Variants in C2CD3 observed in about 807,000 individuals in gnomAD.
The protein encoded by C2CD3 is C2 domain containing 3 centriole elongation regulator.
A neutral mutation model predicts 234.0 loss-of-function variants in C2CD3; 148 were observed. The observed-to-expected ratio is 0.63, with a 90% CI of 0.55 to 0.72. The LOEUF (loss-of-function observed/expected upper bound fraction) is 0.72. C2CD3 is among the 30% of genes least tolerant of loss of function. The pLI is 0.00. For missense variants in C2CD3, 2,577 were observed against 2,811.5 expected, an observed-to-expected ratio of 0.92 and a Z score of 1.89; for synonymous variants, 1,000 against 1,035.4, an observed-to-expected ratio of 0.97 and a Z score of 0.66.
At chr11:74,168,706 T>C in intron 1 of C2CD3, 93 bp from the exon 2 acceptor site, 2 of 1,172,432 alleles carry the variant, frequency 1.7e-6, no homozygotes, top group East Asian at 2.3e-5. Context: ...CAGAACACTT[T>C]AGTCTTAAGT....
intron 8 of C2CD3, among the ~76,000 whole-genome samples, chr11:74,120,995 G>GA (rs58687006): frequency 0.19 from 24,867 of 133,120 alleles, 2,252 homozygotes; most frequent in East Asian, 0.31. Context: ...TGTCTCTACA[G>GA]AAAAAAAAAA....
rs76581014 is a variant in C2CD3, at chr11:74,023,044, C to T, written c.6921+5243G>A. On this transcript the variant is annotated intron_variant, in intron 32 of 32. Transcript: ENST00000334126. ...GACTCAGAAAAGTCCAAAGATCTGA[C>T]GAATGTCATACAGGCTCCTGTATCC... Among the ~76,000 whole-genome samples the T allele has an allele frequency of 6.6e-5, 10 of 152,290 alleles. No homozygotes were observed. In the East Asian group the frequency reaches 1.7e-3, roughly 26 times the overall value.
At chr11:74,134,274 C>T (rs1590904365) in intron 5 of C2CD3, among the ~76,000 whole-genome samples, 1 of 152,188 alleles carries the variant, frequency 6.6e-6, no homozygotes, top group Non-Finnish European at 1.5e-5. Flanking sequence ...CAGATGATTC[C>T]ACATCCTATG....
At chr11:74,150,516 CAAAAAAAA>C (rs1162306851) in intron 3 of C2CD3, among the ~76,000 whole-genome samples, 12 of 65,990 alleles carry the variant, frequency 1.8e-4, no homozygotes, top group African/African-American at 2.1e-4. Context: ...AAAAAAAAAA[CAAAAAAAA>C]AACAAAACAA....
chr11:74,157,173 C>T (rs1159160653), intron 3 of C2CD3, among the ~76,000 whole-genome samples: 2 of 152,192 alleles, frequency 1.3e-5, no homozygotes, highest in African/African-American at 2.4e-5. Context: ...AAAGATTCCA[C>T]AAATAGACTA....
intron 3 of C2CD3, among the ~76,000 whole-genome samples, chr11:74,146,728 A>ACT: frequency 6.8e-6 from 1 of 146,524 alleles, no homozygotes; most frequent in African/African-American, 2.6e-5. Flanking sequence ...ACACACACAC[A>ACT]CACACACACA....
intron 22 of C2CD3, among the ~76,000 whole-genome samples, chr11:74,080,604 A>G (rs1413327471): frequency 2.0e-5 from 3 of 152,214 alleles, no homozygotes; most frequent in Admixed American, 2.0e-4. Flanking sequence ...ATAGGTAGGA[A>G]AAAACAAAAT....
chr11:74,119,189 C>G (rs1283154953), intron 8 of C2CD3, among the ~76,000 whole-genome samples: 1 of 152,080 alleles, frequency 6.6e-6, no homozygotes, highest in Non-Finnish European at 1.5e-5. Context: ...GAATTACAGG[C>G]ATGAGCCACC....
intron 3 of C2CD3, among the ~76,000 whole-genome samples, chr11:74,146,610 T>C (rs1855203346): frequency 6.6e-6 from 1 of 152,068 alleles, no homozygotes. Context: ...AATAAACTTG[T>C]TTCAAGATCT....
intron 32 of C2CD3, among the ~76,000 whole-genome samples, chr11:74,022,081 G>A (rs1032543251): frequency 3.9e-5 from 6 of 151,976 alleles, no homozygotes; most frequent in African/African-American, 7.2e-5. Context: ...AGCTGAGATC[G>A]CACCACCACA....
chr11:74,100,044 A>G (rs1341715655), intron 15 of C2CD3, among the ~76,000 whole-genome samples: 1 of 152,250 alleles, frequency 6.6e-6, no homozygotes, highest in Non-Finnish European at 1.5e-5. Flanking sequence ...TTCACTATAT[A>G]AAACTTGCAA....
intron 2 of C2CD3, among the ~76,000 whole-genome samples, chr11:74,166,502 GC>G (rs1856823037): frequency 6.6e-6 from 1 of 152,018 alleles, no homozygotes; most frequent in Non-Finnish European, 1.5e-5. Context: ...GAAAATTAAG[GC>G]CCAAGAAGAT....
chr11:74,138,762 T>C lies in C2CD3; in HGVS notation c.913A>G (p.Ile305Val). The C allele has an allele frequency of 6.2e-7, 1 of 1,612,044 alleles. No individual in the cohort carries two copies. The highest frequency in any genetic ancestry group is 8.5e-7 in the Non-Finnish European group (1 of 1,178,090). ...GTAGGGAGGTTGTTTGAAGAAAGAA[T>C]GCATGAGTCACTGTGACTCTTGGCA... ...TVAKSHSDSC[I>V]LSSNNLPTKD... Residue 305 changes from isoleucine to valine, a missense_variant, in exon 5 of 33, where the codon ATT (isoleucine) becomes GTT (valine). Transcript: ENST00000334126.
chr11:74,141,815 T>C (rs965049160), intron 3 of C2CD3, among the ~76,000 whole-genome samples: 2 of 151,478 alleles, frequency 1.3e-5, no homozygotes, highest in African/African-American at 4.9e-5. Context: ...GGCAACATAG[T>C]GAGAACCTGT....
At chr11:74,119,302 C>G (rs1183583064) in intron 8 of C2CD3, among the ~76,000 whole-genome samples, 1 of 152,114 alleles carries the variant, frequency 6.6e-6, no homozygotes, top group Admixed American at 6.6e-5. Context: ...CACAAATTTT[C>G]TTAATGAGAG....
At chr11:74,111,963 CACACACAT>C (rs777477676) in intron 11 of C2CD3, among the ~76,000 whole-genome samples, 2,493 of 93,892 alleles carry the variant, frequency 0.027, 66 homozygotes, top group East Asian at 0.044. Flanking sequence ...CACACACACA[CACACACAT>C]ATATATATAC....
intron 18 of C2CD3, 134 bp downstream of exon 18, chr11:74,093,682 C>A: frequency 3.3e-6 from 2 of 599,628 alleles, no homozygotes; most frequent in South Asian, 5.9e-5. Flanking sequence ...CTGTCAAATC[C>A]AAATAACATA....
chr11:74,084,007 G>A (rs186774849), intron 22 of C2CD3, among the ~76,000 whole-genome samples: 148 of 152,154 alleles, frequency 9.7e-4, no homozygotes, highest in Admixed American at 2.0e-4. Context: ...TGTTTATTGC[G>A]GCACTATTCA....
chr11:74,080,354 C>CTCT (rs1302056535), intron 22 of C2CD3, among the ~76,000 whole-genome samples: 1 of 152,116 alleles, frequency 6.6e-6, no homozygotes, highest in African/African-American at 2.4e-5. Flanking sequence ...ATCTCTAAGG[C>CTCT]TCTTTTTCGG....
Sources: gnomAD v4.1 joint callset for allele counts (sites outside exome capture counted in the v4.1 genomes callset) on GRCh38, gnomAD v4.1.1 for gene constraint, MANE v1.5 for transcripts, NCBI Gene and HGNC (gene_info 2026-07-23, HGNC 2026-07-21) for gene names.